SHISA9: variants seen among roughly 807,000 people sequenced by gnomAD.
SHISA9 encodes the protein shisa family member 9.
In SHISA9, 13 loss-of-function variants were observed where a neutral mutation model predicts 38.0. The observed-to-expected ratio is 0.34, with a 90% CI of 0.22 to 0.54. The LOEUF (loss-of-function observed/expected upper bound fraction) is 0.54. SHISA9 is among the 20% of genes least tolerant of loss of function. The pLI is 0.91. For synonymous variants in SHISA9, 275 were observed against 242.0 expected, an observed-to-expected ratio of 1.14 and a Z score of -1.27; for missense variants, 538 against 575.8, an observed-to-expected ratio of 0.93 and a Z score of 0.67.
At chr16:13,186,288 C>CA (rs2050821739) in intron 2 of SHISA9, among the ~76,000 whole-genome samples, 1 of 104,272 alleles carries the variant, frequency 9.6e-6, no homozygotes, top group Non-Finnish European at 1.9e-5. Context: ...CCATCTTAAC[C>CA]TTTTTTTTTT....
At chr16:13,460,885 A>C in the SHISA9 span, among the ~76,000 whole-genome samples, 1 of 152,200 alleles carries the variant, frequency 6.6e-6, no homozygotes, top group Non-Finnish European at 1.5e-5. Flanking sequence ...CTTGCCTTCC[A>C]GAGTCATCAC....
At chr16:12,999,156 A>T (rs960329249) in intron 2 of SHISA9, among the ~76,000 whole-genome samples, 3 of 152,216 alleles carry the variant, frequency 2.0e-5, no homozygotes, top group Admixed American at 6.5e-5. Flanking sequence ...TATAAGGCAC[A>T]TCACAGCCTT....
chr16:12,904,766 G>T (rs183559001), intron 1 of SHISA9, among the ~76,000 whole-genome samples: 1 of 152,290 alleles, frequency 6.6e-6, no homozygotes, highest in African/African-American at 2.4e-5. Flanking sequence ...TGTAACTGCT[G>T]TGTAGTATTA....
chr16:13,438,479 A>G, the SHISA9 span, among the ~76,000 whole-genome samples: 3 of 152,230 alleles, frequency 2.0e-5, no homozygotes, highest in African/African-American at 7.2e-5. Context: ...AATCTTAAAT[A>G]ATCATTTTAT....
chr16:13,471,757 C>T, the SHISA9 span, among the ~76,000 whole-genome samples: 1,067 of 152,252 alleles, frequency 7.0e-3, 13 homozygotes, highest in African/African-American at 0.023. Context: ...AAGCCTAGCC[C>T]ACCGTGAGTA....
chr16:13,034,496 G>C (rs1285967792), intron 2 of SHISA9, among the ~76,000 whole-genome samples: 2 of 152,198 alleles, frequency 1.3e-5, no homozygotes, highest in African/African-American at 4.8e-5. Context: ...ACATCTTATT[G>C]AGGGCAGGAA....
chr16:12,972,810 G>C (rs2072102272), intron 2 of SHISA9, among the ~76,000 whole-genome samples: 1 of 152,130 alleles, frequency 6.6e-6, no homozygotes, highest in Non-Finnish European at 1.5e-5. Context: ...ATTGGGTAAT[G>C]CTTTTTTAAA....
the SHISA9 span, among the ~76,000 whole-genome samples, chr16:13,373,066 C>T: frequency 6.6e-6 from 1 of 152,074 alleles, no homozygotes; most frequent in African/African-American, 2.4e-5. Context: ...GCACATATCC[C>T]GACTACTAAC....
At chr16:13,457,669 T>G in the SHISA9 span, among the ~76,000 whole-genome samples, 2 of 151,762 alleles carry the variant, frequency 1.3e-5, no homozygotes, top group Non-Finnish European at 2.9e-5. Flanking sequence ...ATCCGTAAGA[T>G]TAATCCCACT....
intron 2 of SHISA9, among the ~76,000 whole-genome samples, chr16:13,045,523 C>G (rs2073176778): frequency 6.6e-6 from 1 of 150,722 alleles, no homozygotes; most frequent in South Asian, 2.1e-4. Flanking sequence ...CTACTACATG[C>G]TTGGCTCTGT....
chr16:13,255,738 A>G, the SHISA9 span, among the ~76,000 whole-genome samples: 5 of 152,248 alleles, frequency 3.3e-5, no homozygotes, highest in African/African-American at 1.2e-4. Flanking sequence ...ACATATTATT[A>G]TATGAGCACC....
chr16:13,211,481 C>T (rs72786655), intron 3 of SHISA9, among the ~76,000 whole-genome samples: 18,646 of 152,152 alleles, frequency 0.12, 1,280 homozygotes, highest in Middle Eastern at 0.18. Flanking sequence ...TGGTTATCCA[C>T]ATCCCAATAA....
the SHISA9 span, among the ~76,000 whole-genome samples, chr16:13,521,429 A>G: frequency 0.011 from 1,682 of 152,280 alleles, 12 homozygotes; most frequent in Non-Finnish European, 0.018. Flanking sequence ...TGTATCACAC[A>G]TATTTATTTA....
At chr16:13,316,459 T>A in the SHISA9 span, among the ~76,000 whole-genome samples, 1 of 152,174 alleles carries the variant, frequency 6.6e-6, no homozygotes, top group African/African-American at 2.4e-5. Flanking sequence ...CGCAAACCCA[T>A]GAGGGATCTA....
chr16:13,411,262 C>A, the SHISA9 span, among the ~76,000 whole-genome samples: 1 of 152,132 alleles, frequency 6.6e-6, no homozygotes, highest in African/African-American at 2.4e-5. Context: ...ATGGGAATGG[C>A]AGTTGAGCAT....
intron 2 of SHISA9, among the ~76,000 whole-genome samples, chr16:13,117,312 C>G (rs2074040041): frequency 6.6e-6 from 1 of 151,884 alleles, no homozygotes; most frequent in African/African-American, 2.4e-5. Context: ...GCTTTAGTTT[C>G]TGCATCTGTA....
rs374054638 is a variant in SHISA9, at chr16:13,218,401, A to C, written c.895+5101A>C. ...ACCCTAGATGCAATCGCAGTTTGCG[A>C]CACAGCATCCGTTTACATACCGGCG... On this transcript the variant is annotated intron_variant, in intron 4 of 4. Coordinates refer to ENST00000558583, the MANE Select transcript of SHISA9 (RefSeq NM_001145204.3). Among the ~76,000 whole-genome samples the C allele has an allele frequency of 1.1e-4, 17 of 152,322 alleles. 1 individual carries two copies. In the East Asian group the frequency reaches 2.9e-3, roughly 26 times the overall value.
chr16:13,501,551 C>T, the SHISA9 span, among the ~76,000 whole-genome samples: 4 of 152,164 alleles, frequency 2.6e-5, no homozygotes, highest in Non-Finnish European at 4.4e-5. Context: ...GCAATATTCT[C>T]CATTTGTAAT....
At chr16:12,960,515 C>T (rs1425963160) in intron 2 of SHISA9, among the ~76,000 whole-genome samples, 1 of 152,062 alleles carries the variant, frequency 6.6e-6, no homozygotes, top group Non-Finnish European at 1.5e-5. Context: ...TGGAATCAAC[C>T]CAAATGCCCA....
Sources: allele counts gnomAD v4.1 joint callset (sites outside exome capture counted in the v4.1 genomes callset), GRCh38; gene constraint gnomAD v4.1.1; transcripts MANE v1.5; gene names NCBI Gene and HGNC (gene_info 2026-07-23, HGNC 2026-07-21).